SNX19: variants seen among roughly 807,000 people sequenced by gnomAD.
The protein encoded by SNX19 is sorting nexin-19.
Under a neutral mutation model 85.2 loss-of-function variants are expected in SNX19, and 60 were observed. The ratio of observed to expected loss-of-function variants is 0.70; its 90% CI spans 0.57 to 0.87. The LOEUF is 0.87. SNX19 is among the 40% of genes least tolerant of loss of function. The probability of loss-of-function intolerance (pLI) is 0.00; values close to 1 mark genes in which losing one functional copy is unlikely to be tolerated. For synonymous variants in SNX19, 520 were observed against 470.0 expected (o/e 1.11, Z -1.38); for missense variants, 1,201 against 1,217.8 (o/e 0.99, Z 0.21).
At position 130,867,143 on chromosome 11, in the gene SNX19, T is replaced by C. The variant is rs1388486676; in HGVS notation, c.*11279A>G. The C allele has an allele frequency of 1.3e-5, 2 of 152,214 alleles. No individual in the cohort carries two copies. The highest frequency in any genetic ancestry group is 3.9e-4 in the East Asian group (2 of 5,194). 9.4% of individuals were successfully genotyped at this position (152,214 alleles called of 1,614,324 possible). A position where few individuals can be genotyped will look rare whatever the true frequency, so the allele number is the denominator to read the frequency against. On this transcript the variant is annotated 3_prime_UTR_variant, in exon 11 of 11. Coordinates refer to ENST00000265909, the MANE Select transcript of SNX19 (RefSeq NM_014758.3). ...TCCCAATAAACTGGGTGAGTGATCC[T>C]GGGCAAAAGACAAGCTCTCTGCATT...
At position 130,893,647 on chromosome 11, in the gene SNX19, T is replaced by G. The variant is rs373494559; in HGVS notation, c.2573+9608A>C. On this transcript the variant is annotated intron_variant, in intron 8 of 10. Coordinates refer to ENST00000265909, the MANE Select transcript of SNX19 (RefSeq NM_014758.3). ...TGGCAACTCCAGAATCTCCACAGAA[T>G]AGGAACTTTGGGAGCACTGACTATG... 1.2e-4 allele frequency: 76 copies of G among 611,844 alleles called. No individual in the cohort carries two copies. The East Asian group carries it at 1.6e-3, about 13-fold the overall frequency. 37.9% of individuals were successfully genotyped at this position (611,844 alleles called of 1,614,324 possible). A position where few individuals can be genotyped will look rare whatever the true frequency, so the allele number is the denominator to read the frequency against.
In SNX19 at chr11:130,879,714, G is replaced by A; in HGVS notation, c.2759-3C>T. ...CCCAAGAATTTCTACTACGAGATCTGAGGAGGAAAAAACAGATGGAATTTG... is the reference window on the plus strand; with the variant it reads ...CCCAAGAATTTCTACTACGAGATCTAAGGAGGAAAAAACAGATGGAATTTG... On this transcript the variant is annotated splice_polypyrimidine_tract_variant and splice_region_variant and intron_variant, in intron 9 of 10. Transcript: ENST00000265909. 1 of 1,613,608 alleles carries A rather than the reference G, an allele frequency of 6.2e-7. No homozygotes were observed. The highest frequency in any genetic ancestry group is 8.5e-7 in the Non-Finnish European group (1 of 1,179,688).
At position 130,870,240 on chromosome 11, in the gene SNX19, A is replaced by G. The variant is rs1942966533; in HGVS notation, c.*8182T>C. 6.6e-6 allele frequency: 1 copy of G among 152,158 alleles called. No homozygotes were observed. The highest frequency in any genetic ancestry group is 1.5e-5 in the Non-Finnish European group (1 of 68,050). The allele number at this position is 152,158 out of a possible 1,614,324, so 9.4% of individuals were successfully genotyped here. On this transcript the variant is annotated 3_prime_UTR_variant, in exon 11 of 11. Transcript: ENST00000265909. ...AAGCTCTTGCCTCAGTCCTCTCCAG[A>G]TTGCTAAAAGGAGGTGTATAACCCT...
Position 130,914,554 on chromosome 11 carries a change from G to A in SNX19, c.1386C>T (p.Thr462=), listed in dbSNP as rs146738120. 758 of 1,613,940 alleles carry A rather than the reference G, an allele frequency of 4.7e-4. No homozygotes were observed. The highest frequency in any genetic ancestry group is 5.8e-4 in the Non-Finnish European group (682 of 1,179,868). ...ADKEIEQGDV[T]ASVTALLEGP... is the part of the protein sequence containing the mutation. ...CCTCCAGCAAAGCTGTAACAGAGGC[G>A]GTAACATCTCCTTGTTCTATCTCCT... Residue 462 remains threonine, a synonymous_variant, in exon 1 of 11, where the codon ACC becomes ACT. Transcript: ENST00000265909.
Position 130,911,615 on chromosome 11 carries a change from G to A in SNX19, c.1813+18C>T, listed in dbSNP as rs768658132. The A allele has an allele frequency of 2.5e-6, 4 of 1,613,966 alleles. No homozygotes were observed. The highest frequency in any genetic ancestry group is 1.3e-5 in the African/African-American group (1 of 75,034). On this transcript the variant is annotated intron_variant, in intron 2 of 10. Transcript: ENST00000265909. ...CGTGGGAAGCAAGCGGGCAGTAGGGGTTGGGGAAACTCCTGACTTTTGATG... is the reference window on the plus strand; with the variant it reads ...CGTGGGAAGCAAGCGGGCAGTAGGGATTGGGGAAACTCCTGACTTTTGATG...
Position 130,911,786 on chromosome 11 carries a change from A to C in SNX19, c.1675-15T>G, listed in dbSNP as rs1565551737. The C allele has an allele frequency of 6.2e-7, 1 of 1,611,824 alleles. No individual in the cohort carries two copies. The highest frequency in any genetic ancestry group is 8.5e-7 in the Non-Finnish European group (1 of 1,178,406). ...GCTGTCTCGTACTGTTCAACGAACA[A>C]ATTGATTGACTCAATCAGCCGGGTT... On this transcript the variant is annotated splice_polypyrimidine_tract_variant and intron_variant, in intron 1 of 10. Coordinates refer to ENST00000265909, the MANE Select transcript of SNX19 (RefSeq NM_014758.3).
chr11:130,892,453 G>T (rs1349131896), intron 8 of SNX19, among the ~76,000 whole-genome samples: 1 of 152,112 alleles, frequency 6.6e-6, no homozygotes, highest in Non-Finnish European at 1.5e-5. Flanking sequence ...TTCTAAAAGT[G>T]CTTGTGTGTT....
intron 8 of SNX19, among the ~76,000 whole-genome samples, chr11:130,900,620 A>G (rs1022813406): frequency 3.3e-5 from 5 of 152,146 alleles, no homozygotes; most frequent in Non-Finnish European, 1.5e-5. Flanking sequence ...CCCCTTTTAT[A>G]TAAGGATCTC....
rs758976076 is a variant in SNX19, at chr11:130,879,694, G to T, written c.2776C>A (p.Leu926Ile). ...GVLPDLVVEILGVNKCRLSWG... is the reference protein window; with the variant it reads ...GVLPDLVVEIIGVNKCRLSWG... ...CTCAGCCGGCATTTGTTCACCCCAAGAATTTCTACTACGAGATCTGAGGAG... is the reference window on the plus strand; with the variant it reads ...CTCAGCCGGCATTTGTTCACCCCAATAATTTCTACTACGAGATCTGAGGAG... Residue 926 changes from leucine (L) to isoleucine (I), a missense_variant, in exon 10 of 11, where the codon CTT (leucine) becomes ATT (isoleucine). By Grantham distance (5) the Leu-to-Ile change is conservative (BLOSUM62 2). Coordinates refer to ENST00000265909, the MANE Select transcript of SNX19 (RefSeq NM_014758.3). 14 of 1,613,782 alleles carry T rather than the reference G, an allele frequency of 8.7e-6. No homozygotes were observed. Among genetic ancestry groups the T allele is most frequent in the Non-Finnish European group, 1.2e-5 (14 of 1,179,910 alleles).
At chr11:130,882,833 T>C (rs1268815159) in intron 8 of SNX19, among the ~76,000 whole-genome samples, 2 of 152,192 alleles carry the variant, frequency 1.3e-5, no homozygotes, top group African/African-American at 4.8e-5. Context: ...CTGAGGAGAA[T>C]GATGTGTCTT....
intron 8 of SNX19, among the ~76,000 whole-genome samples, chr11:130,894,162 G>C (rs1944701784): frequency 6.6e-6 from 1 of 152,154 alleles, no homozygotes; most frequent in African/African-American, 2.4e-5. Flanking sequence ...TAGGATCACA[G>C]GAGACCCTGA....
At position 130,872,458 on chromosome 11, in the gene SNX19, T is replaced by TG. The variant is rs1375751366; in HGVS notation, c.*5963_*5964insC. Among the ~76,000 whole-genome samples, 1 of 150,460 alleles carries TG rather than the reference T, an allele frequency of 6.6e-6. No homozygotes were observed. Among genetic ancestry groups the TG allele is most frequent in the Non-Finnish European group, 1.5e-5 (1 of 67,426 alleles). The stretch of plus-strand genomic sequence containing the variant: ...ATTAAAACATTCTTCTGGATTTCCT[T>TG]TTTTTTTTTCTCTCTTAAACCAGTC... On this transcript the variant is annotated 3_prime_UTR_variant, in exon 11 of 11. Transcript: ENST00000265909.
At chr11:130,885,052 A>G (rs904308218) in intron 8 of SNX19, among the ~76,000 whole-genome samples, 1 of 152,132 alleles carries the variant, frequency 6.6e-6, no homozygotes, top group Admixed American at 6.5e-5. Context: ...TGATTTAGAG[A>G]TATCTCTTTC....
chr11:130,914,863 T>C lies in SNX19; in HGVS notation c.1077A>G (p.Pro359=). The part of the protein sequence containing the change: ...VGNNSSHFLQ[P]NVRGPLFLCE... The stretch of plus-strand genomic sequence containing the variant: ...ATAAGAACAGGGGACCTCGAACATT[T>C]GGCTGTAGGAAATGAGATGAGTTGT... The change falls in exon 1 of 11, where the codon CCA becomes CCG. Residue 359 remains proline, a synonymous_variant. Transcript: ENST00000265909. 3 of 1,614,204 alleles carry C rather than the reference T, an allele frequency of 1.9e-6. No homozygotes were observed. The highest frequency in any genetic ancestry group is 2.5e-6 in the Non-Finnish European group (3 of 1,180,028).
Position 130,893,689 on chromosome 11 carries a change from G to A in SNX19, c.2573+9566C>T, listed in dbSNP as rs114458415. 4.4e-3 allele frequency: 2,904 copies of A among 660,856 alleles called. 63 individuals are homozygous for A. In the African/African-American group the frequency reaches 0.046, roughly 10 times the overall value. 40.9% of individuals were successfully genotyped at this position (660,856 alleles called of 1,614,324 possible). A position where few individuals can be genotyped will look rare whatever the true frequency, so the allele number is the denominator to read the frequency against. On this transcript the variant is annotated intron_variant, in intron 8 of 10. Coordinates refer to ENST00000265909, the MANE Select transcript of SNX19 (RefSeq NM_014758.3). ...CTGACTATGGGTAGAAAACACAGAG[G>A]AGTAATAAATAAAACTGGAAAAACA...
In SNX19 at chr11:130,906,641, A is replaced by C; in HGVS notation, c.2246T>G (p.Leu749Arg). 1 of 1,612,344 alleles carries C rather than the reference A, an allele frequency of 6.2e-7. No individual in the cohort carries two copies. Residue 749 changes from leucine (L) to arginine (R), a missense_variant, in exon 6 of 11, where the codon CTC becomes CGC. Leu to Arg is a moderately radical substitution (Grantham distance 102). This residue lies in a region of SNX19 where 285 missense variants were observed against 295.3 expected (regional missense o/e 0.97). Transcript: ENST00000265909. The part of the protein sequence containing the change: ...TEAQDKILYC[L>R]QEGNVESETL... ...GGTTCTTACCACATTGCCTTCCTGG[A>C]GACAATAAAGAATCTTGTCTTGTGC...
chr11:130,897,346 T>TCACA (rs1040682192), intron 8 of SNX19, among the ~76,000 whole-genome samples: 2 of 150,458 alleles, frequency 1.3e-5, no homozygotes, highest in Non-Finnish European at 3.0e-5. Flanking sequence ...CCCCCAACAC[T>TCACA]CACACACACA....
intron 7 of SNX19, among the ~76,000 whole-genome samples, chr11:130,903,855 C>T (rs1158407070): frequency 2.6e-5 from 4 of 152,038 alleles, no homozygotes; most frequent in African/African-American, 9.7e-5. Flanking sequence ...GTGTAACTGG[C>T]AAGGCCTCCT....
In SNX19 at chr11:130,906,005, A is replaced by G. The variant is rs1945638053; in HGVS notation, c.2391T>C (p.Ser797=). The G allele has an allele frequency of 1.2e-6, 2 of 1,614,080 alleles. No individual in the cohort carries two copies. The highest frequency in any genetic ancestry group is 1.7e-5 in the Admixed American group (1 of 60,010). The change falls in exon 7 of 11, where the codon AGT becomes AGC. Residue 797 remains serine, a synonymous_variant. Coordinates refer to ENST00000265909, the MANE Select transcript of SNX19 (RefSeq NM_014758.3). ...CTGGCACGGCTGCATCTGACACGCA[A>G]CTGTCCACACGTCCTTTGGGAGGTT... ...PEQPPKGRVD[S]CVSDAAVPAQ... is the part of the protein sequence containing the mutation.
Sources: gnomAD v4.1 joint callset for allele counts (sites outside exome capture counted in the v4.1 genomes callset) on GRCh38, gnomAD v4.1.1 for gene constraint, gnomAD v4.1.1 regional missense constraint, MANE v1.5 for transcripts, NCBI Gene and HGNC (gene_info 2026-07-23, HGNC 2026-07-21) for gene names.